The following MAD1L1 variants were observed in gnomAD, a reference collection of about 807,000 sequenced individuals.
The protein encoded by MAD1L1 is mitotic spindle assembly checkpoint protein MAD1.
A neutral mutation model predicts 96.9 loss-of-function variants in MAD1L1; 95 were observed. The ratio of observed to expected loss-of-function variants is 0.98; its 90% CI spans 0.83 to 1.16. The LOEUF is 1.16. MAD1L1 is among the 50% of genes most tolerant of loss of function. The probability of loss-of-function intolerance (pLI) is 0.00; values close to 1 mark genes in which losing one functional copy is unlikely to be tolerated. For synonymous variants in MAD1L1, 473 were observed against 396.6 expected (o/e 1.19, Z -2.29); for missense variants, 1,007 against 954.4 (o/e 1.06, Z -0.73).
intron 14 of MAD1L1, among the ~76,000 whole-genome samples, chr7:1,999,561 C>A (rs1204295140): frequency 6.6e-6 from 1 of 152,196 alleles, no homozygotes; most frequent in Non-Finnish European, 1.5e-5. Flanking sequence ...CTGCGGGGAC[C>A]CTCACAGGCC....
intron 11 of MAD1L1, among the ~76,000 whole-genome samples, chr7:2,089,753 G>A (rs1425042283): frequency 6.6e-6 from 1 of 152,018 alleles, no homozygotes; most frequent in Non-Finnish European, 1.5e-5. Context: ...CGTGCATCGT[G>A]TTTAATCACA....
intron 18 of MAD1L1, among the ~76,000 whole-genome samples, chr7:1,828,505 C>A (rs573925774): frequency 1.3e-5 from 2 of 152,338 alleles, no homozygotes; most frequent in South Asian, 4.1e-4. Flanking sequence ...GGCAGCCTCG[C>A]GGGAAAGCCT....
intron 15 of MAD1L1, among the ~76,000 whole-genome samples, chr7:1,975,138 G>A (rs1323415680): frequency 6.6e-6 from 1 of 152,226 alleles, no homozygotes; most frequent in African/African-American, 2.4e-5. Context: ...CCTTCACCCT[G>A]TTGACCTGGC....
chr7:1,854,369 G>A (rs1217478682), intron 18 of MAD1L1: 2 of 473,926 alleles, frequency 4.2e-6, no homozygotes, highest in South Asian at 1.5e-5. Context: ...CTACCCTGTG[G>A]AAGCCTGTAT....
intron 14 of MAD1L1, among the ~76,000 whole-genome samples, chr7:1,981,547 CT>C (rs1178438661): frequency 1.7e-4 from 26 of 152,270 alleles, no homozygotes; most frequent in Admixed American, 1.2e-3. Flanking sequence ...AATCCTGCCC[CT>C]GGCCCAAGTC....
At chr7:2,048,435 GA>G (rs1784029538) in intron 12 of MAD1L1, among the ~76,000 whole-genome samples, 1 of 152,234 alleles carries the variant, frequency 6.6e-6, no homozygotes, top group South Asian at 2.1e-4. Flanking sequence ...GGATGTTAAT[GA>G]AATGAGAAGT....
intron 17 of MAD1L1, among the ~76,000 whole-genome samples, chr7:1,906,823 A>G (rs1787664711): frequency 6.6e-6 from 1 of 152,234 alleles, no homozygotes; most frequent in Non-Finnish European, 1.5e-5. Context: ...CAAGCTACAC[A>G]GTCAGCTTAA....
rs145173925 is a variant in MAD1L1 at position 2,079,456 on chromosome 7, G to C, written c.1074-10118C>G. 6.2e-3 allele frequency among the ~76,000 whole-genome samples: 951 copies of C among 152,344 alleles called. 14 individuals carry two copies. The highest frequency in any genetic ancestry group is 0.022 in the African/African-American group (908 of 41,582). ...ATCAAAGGAACGGCCAGGGGAGCAG[G>C]CTCTGAAGCTGCAGCCTGGCCTCCC... On this transcript the variant is annotated intron_variant, in intron 11 of 18. Coordinates refer to ENST00000265854, the MANE Select transcript of MAD1L1 (RefSeq NM_001013836.2).
intron 16 of MAD1L1, among the ~76,000 whole-genome samples, chr7:1,945,582 C>G (rs1387029617): frequency 6.6e-6 from 1 of 152,200 alleles, no homozygotes; most frequent in Non-Finnish European, 1.5e-5. Context: ...TGGGCCCACC[C>G]TGGAGATGAA....
chr7:2,228,024 G>A (rs559368405), intron 3 of MAD1L1, among the ~76,000 whole-genome samples: 1 of 106,514 alleles, frequency 9.4e-6, no homozygotes, highest in East Asian at 2.2e-4. Flanking sequence ...GGGCTCAGCA[G>A]GAGAGAGAGA....
chr7:2,108,909 C>A (rs1787232001), intron 11 of MAD1L1, among the ~76,000 whole-genome samples: 1 of 152,248 alleles, frequency 6.6e-6, no homozygotes, highest in Non-Finnish European at 1.5e-5. Context: ...ATCTCTGAGG[C>A]AGCTCCTGGG....
intron 11 of MAD1L1, among the ~76,000 whole-genome samples, chr7:2,134,231 T>C (rs1788649729): frequency 6.6e-6 from 1 of 152,228 alleles, no homozygotes; most frequent in South Asian, 2.1e-4. Flanking sequence ...CCGGTCTCTG[T>C]GTCTACACTG....
chr7:2,009,908 G>C (rs891888073), intron 13 of MAD1L1, among the ~76,000 whole-genome samples: 1 of 151,948 alleles, frequency 6.6e-6, no homozygotes, highest in South Asian at 2.1e-4. Flanking sequence ...GCTCAGCGCA[G>C]TTCTGTACTG....
intron 13 of MAD1L1, among the ~76,000 whole-genome samples, chr7:2,005,147 A>G (rs1008489214): frequency 6.6e-6 from 1 of 152,204 alleles, no homozygotes; most frequent in African/African-American, 2.4e-5. Flanking sequence ...GAAGGCAGAC[A>G]TCGACGAGCT....
At chr7:1,957,957 C>T (rs531558452) in intron 15 of MAD1L1, among the ~76,000 whole-genome samples, 5 of 152,300 alleles carry the variant, frequency 3.3e-5, no homozygotes, top group East Asian at 1.9e-4. Context: ...GGAGCCTGTG[C>T]GGAGAAAGTC....
intron 12 of MAD1L1, among the ~76,000 whole-genome samples, chr7:2,060,512 C>A (rs1206069253): frequency 1.3e-5 from 2 of 151,978 alleles, no homozygotes; most frequent in African/African-American, 4.8e-5. Flanking sequence ...CGAGATAACG[C>A]TAATGTCGAG....
At chr7:2,084,207 G>A (rs972296218) in intron 11 of MAD1L1, among the ~76,000 whole-genome samples, 2 of 152,224 alleles carry the variant, frequency 1.3e-5, no homozygotes, top group Admixed American at 6.5e-5. Flanking sequence ...AAGTTTCTGC[G>A]TATGTGTAGA....
In MAD1L1 at chr7:2,216,019, T is replaced by C. The variant is rs2114994340; in HGVS notation, c.810-20A>G. On this transcript the variant is annotated intron_variant, in intron 8 of 18. Coordinates refer to ENST00000265854, the MANE Select transcript of MAD1L1 (RefSeq NM_001013836.2). The stretch of plus-strand genomic sequence containing the variant: ...ATCTCCCTGGCAGTGCCACAAAGAG[T>C]CGCTCAAATAGCCACACACCCTAGG... 6.2e-7 allele frequency: 1 copy of C among 1,612,848 alleles called. No homozygotes were observed.
chr7:1,929,799 G>A (rs556001701), intron 17 of MAD1L1, among the ~76,000 whole-genome samples: 1,410 of 78,678 alleles, frequency 0.018, 72 homozygotes, highest in African/African-American at 0.14. Flanking sequence ...ACGTCCCCTC[G>A]CCCCGTCCCC....
Sources: gnomAD v4.1 joint callset for allele counts (sites outside exome capture counted in the v4.1 genomes callset) on GRCh38, gnomAD v4.1.1 for gene constraint, MANE v1.5 for transcripts, NCBI Gene and HGNC (gene_info 2026-07-23, HGNC 2026-07-21) for gene names.